MBNL3: variants seen among roughly 807,000 people sequenced by gnomAD.
MBNL3 encodes the protein muscleblind like splicing regulator 3.
In MBNL3, 6 loss-of-function variants were observed where a neutral mutation model predicts 24.5. That is an observed-to-expected ratio of 0.25 (90% CI 0.13 to 0.48). The LOEUF is 0.48. Ranked by LOEUF, MBNL3 falls within the 20% of genes least tolerant of loss-of-function variation. MBNL3 has a pLI of 0.99. For synonymous variants in MBNL3, 100 were observed against 101.7 expected (o/e 0.98, Z 0.10); for missense variants, 230 against 293.5 (o/e 0.78, Z 1.58).
At chrX:132,400,584 C>T (rs998244539) in intron 3 of MBNL3, among the ~76,000 whole-genome samples, 1 of 111,607 alleles carries the variant, frequency 9.0e-6, no homozygotes, top group Non-Finnish European at 1.9e-5. Context: ...TTTACAAACA[C>T]ATTTTAAACA....
At chrX:132,418,712 T>C (rs1742734663) in intron 2 of MBNL3, among the ~76,000 whole-genome samples, 2 of 112,664 alleles carry the variant, frequency 1.8e-5, no homozygotes, top group South Asian at 7.3e-4. Context: ...TGAGAATGAA[T>C]AAGACAAGGC....
In MBNL3 at chrX:132,369,726, C is replaced by A. The variant is rs1340487851; in HGVS notation, c.*9940G>T. The stretch of plus-strand genomic sequence containing the variant: ...ACACTATGATTTTTTAAAAATAAAT[C>A]TTTCCTTGTACTTGTACATGCCTGC... On this transcript the variant is annotated 3_prime_UTR_variant, in exon 9 of 9. Coordinates refer to ENST00000370853, the MANE Select transcript of MBNL3 (RefSeq NM_001386889.1). 1.8e-5 allele frequency: 2 copies of A among 111,893 alleles called. No homozygotes were observed. Among genetic ancestry groups the A allele is most frequent in the Non-Finnish European group, 3.8e-5 (2 of 53,210 alleles). The allele number at this position is 111,893 out of a possible 1,213,427, so 9.2% of individuals were successfully genotyped here.
rs775377726 is a variant in MBNL3, at chrX:132,475,805, C to T, written c.-704+13046G>A. Reference sequence around the variant, plus strand: ...TGTTTCTCCTGCCACCCAAGTGCCACAAGAGCCAAAGTCAAACTGCCTGGG... The same window carrying T: ...TGTTTCTCCTGCCACCCAAGTGCCATAAGAGCCAAAGTCAAACTGCCTGGG... On this transcript the variant is annotated intron_variant, in intron 1 of 8. Coordinates refer to ENST00000370853, the MANE Select transcript of MBNL3 (RefSeq NM_001386889.1). 1.9e-4 allele frequency among the ~76,000 whole-genome samples: 21 copies of T among 111,621 alleles called. No individual in the cohort carries two copies. The East Asian group carries it at 5.9e-3, about 32-fold the overall frequency.
intron 1 of MBNL3, among the ~76,000 whole-genome samples, chrX:132,477,743 T>C (rs1321881233): frequency 8.9e-6 from 1 of 111,967 alleles, no homozygotes; most frequent in Admixed American, 9.5e-5. Flanking sequence ...TGTGAGTGAA[T>C]CTTATGTTTT....
intron 8 of MBNL3, 140 bp from the exon 9 acceptor site, chrX:132,379,817 A>T (rs1934512542): frequency 2.1e-6 from 1 of 469,512 alleles, no homozygotes; most frequent in East Asian, 3.8e-5. Flanking sequence ...TGAATTTCAG[A>T]TTGAAATGGG....
At chrX:132,466,280 T>C (rs1010111787) in intron 1 of MBNL3, among the ~76,000 whole-genome samples, 3 of 112,195 alleles carry the variant, frequency 2.7e-5, no homozygotes, top group Non-Finnish European at 5.6e-5. Context: ...GAAGGATATA[T>C]TGGGCACTTT....
intron 3 of MBNL3, among the ~76,000 whole-genome samples, chrX:132,402,876 T>C (rs947422772): frequency 2.7e-5 from 3 of 112,063 alleles, no homozygotes; most frequent in African/African-American, 9.7e-5. Context: ...GCAAACCATA[T>C]TCAATTCTGC....
chrX:132,420,832 G>T (rs1943745393), intron 2 of MBNL3, among the ~76,000 whole-genome samples: 1 of 111,581 alleles, frequency 9.0e-6, no homozygotes, highest in African/African-American at 3.3e-5. Context: ...GACAACTGAA[G>T]ATGCAGAATC....
rs1440031627 is a variant in MBNL3 at position 132,396,519 on chromosome X, TTC to T, written c.343-4187_343-4186del. Among the ~76,000 whole-genome samples the T allele has an allele frequency of 4.7e-3, 263 of 55,923 alleles. 24 individuals are homozygous for T. Among genetic ancestry groups the T allele is most frequent in the African/African-American group, 0.043 (249 of 5,850 alleles). 48.6% of individuals were successfully genotyped at this position (55,923 alleles called of 115,157 possible). A position where few individuals can be genotyped will look rare whatever the true frequency, so the allele number is the denominator to read the frequency against. The stretch of plus-strand genomic sequence containing the variant: ...ATATTCCTATATATATTCATATATA[TTC>T]ATATATATATTCATATATATATTCC... On this transcript the variant is annotated intron_variant, in intron 3 of 8. Coordinates refer to ENST00000370853, the MANE Select transcript of MBNL3 (RefSeq NM_001386889.1).
intron 3 of MBNL3, among the ~76,000 whole-genome samples, chrX:132,396,603 CCT>C (rs1258787236): frequency 3.3e-4 from 14 of 42,698 alleles, no homozygotes; most frequent in East Asian, 7.5e-4. Flanking sequence ...TATATATATT[CCT>C]ATATATATTC....
intron 3 of MBNL3, among the ~76,000 whole-genome samples, chrX:132,403,207 C>T (rs1357150295): frequency 9.0e-6 from 1 of 111,693 alleles, no homozygotes; most frequent in African/African-American, 3.3e-5. Flanking sequence ...GTAAATGTTA[C>T]TTAAAATTGC....
chrX:132,473,626 G>A lies in MBNL3; in HGVS notation c.-704+15225C>T, dbSNP rs765172595. On this transcript the variant is annotated intron_variant, in intron 1 of 8. Transcript: ENST00000370853. ...AATAAACACACGCACACACACACACGCACACAAAAAAAACCCATATGTATA... is the reference window on the plus strand; with the variant it reads ...AATAAACACACGCACACACACACACACACACAAAAAAAACCCATATGTATA... 9.1e-5 allele frequency among the ~76,000 whole-genome samples: 10 copies of A among 109,462 alleles called. No individual in the cohort carries two copies. The East Asian group carries it at 1.7e-3, about 19-fold the overall frequency.
chrX:132,475,552 TA>T (rs1249633781), intron 1 of MBNL3, among the ~76,000 whole-genome samples: 5 of 111,604 alleles, frequency 4.5e-5, no homozygotes, highest in Non-Finnish European at 9.4e-5. Context: ...TTTCATAACT[TA>T]AAAAAACTGT....
intron 1 of MBNL3, among the ~76,000 whole-genome samples, chrX:132,457,206 T>TA (rs957642783): frequency 3.6e-5 from 4 of 111,328 alleles, no homozygotes; most frequent in African/African-American, 1.3e-4. Context: ...CAAAATTTTT[T>TA]AAAAAAAGAT....
At chrX:132,483,428 C>T (rs1232179664) in intron 1 of MBNL3, among the ~76,000 whole-genome samples, 1 of 111,746 alleles carries the variant, frequency 8.9e-6, no homozygotes, top group Admixed American at 9.4e-5. Context: ...TGTGACAATC[C>T]CATTTTCCCC....
At position 132,390,910 on chromosome X, in the gene MBNL3, T is replaced by C; in HGVS notation, c.708A>G (p.Ala236=). 1 of 1,211,584 alleles carries C rather than the reference T, an allele frequency of 8.3e-7. No individual in the cohort carries two copies. The highest frequency in any genetic ancestry group is 3.0e-5 in the East Asian group (1 of 33,830). Residue 236 remains alanine, a synonymous_variant, in exon 5 of 9, where the codon GCA becomes GCG. Transcript: ENST00000370853. ...REKCKYFHPP[A]HLQARLKAAH... ...CTGCCTTGAGTCTGGCTTGCAAGTG[T>C]GCAGGAGGATGAAAGTACTTGCATT...
intron 2 of MBNL3, among the ~76,000 whole-genome samples, chrX:132,422,447 G>A (rs185475640): frequency 9.0e-6 from 1 of 111,713 alleles, no homozygotes; most frequent in East Asian, 2.8e-4. Context: ...AAATTCTTGG[G>A]TTCAACAGAA....
At chrX:132,470,770 G>A (rs151152157) in intron 1 of MBNL3, among the ~76,000 whole-genome samples, 59 of 111,413 alleles carry the variant, frequency 5.3e-4, no homozygotes, top group African/African-American at 1.8e-3. Context: ...AATGTCTGTC[G>A]CGTCTGGTGG....
chrX:132,408,784 G>A (rs1942273090), intron 2 of MBNL3, among the ~76,000 whole-genome samples: 1 of 111,801 alleles, frequency 8.9e-6, no homozygotes, highest in South Asian at 3.7e-4. Flanking sequence ...ATATCAAGTT[G>A]GGCTATAAAA....
Sources: allele counts gnomAD v4.1 joint callset (sites outside exome capture counted in the v4.1 genomes callset), GRCh38; gene constraint gnomAD v4.1.1; transcripts MANE v1.5; gene names NCBI Gene and HGNC (gene_info 2026-07-23, HGNC 2026-07-21).